The following MSTO1 variants were observed in gnomAD, a reference collection of about 807,000 sequenced individuals.
MSTO1 encodes misato mitochondrial distribution and morphology regulator 1.
MSTO1 carries 24 observed loss-of-function variants against 55.7 expected under a neutral mutation model. The ratio of observed to expected loss-of-function variants is 0.43; its 90% CI spans 0.31 to 0.61. The LOEUF (loss-of-function observed/expected upper bound fraction) is 0.61, where lower values mean the gene tolerates loss of function less well. Among genes scored for constraint, MSTO1 ranks in the 20% least tolerant of loss-of-function variants. The pLI is 0.09. For missense variants in MSTO1, 363 were observed against 625.7 expected, an observed-to-expected ratio of 0.58 and a Z score of 4.48; for synonymous variants, 162 against 252.8, an observed-to-expected ratio of 0.64 and a Z score of 3.41.
At chr1:155,567,385 C>A in the MSTO1 span, among the ~76,000 whole-genome samples, 2 of 150,740 alleles carry the variant, frequency 1.3e-5, no homozygotes, top group Non-Finnish European at 2.9e-5. Context: ...GATCTCCGCT[C>A]ACTGCAAGCT....
the MSTO1 span, chr1:155,598,737 CA>C: frequency 1.6e-4 from 93 of 588,992 alleles, no homozygotes; most frequent in South Asian, 5.6e-4. Flanking sequence ...GCAAGAACAA[CA>C]AAAAAAACAT....
At chr1:155,598,966 A>T in the MSTO1 span, 1 of 1,097,292 alleles carries the variant, frequency 9.1e-7, no homozygotes, top group Admixed American at 2.0e-5. Context: ...TTATCTTGTT[A>T]CCGTGGTAGT....
chr1:155,585,999 T>C, the MSTO1 span, among the ~76,000 whole-genome samples: 1 of 152,204 alleles, frequency 6.6e-6, no homozygotes, highest in Non-Finnish European at 1.5e-5. Flanking sequence ...AGATCCATAT[T>C]GATGAATGTA....
At chr1:155,605,427 T>C (rs921711015), upstream of MSTO1, among the ~76,000 whole-genome samples, 4 of 152,126 alleles carry the variant, frequency 2.6e-5, no homozygotes, top group African/African-American at 9.7e-5. Flanking sequence ...TCCAAAAAAA[T>C]ATGGCTTACC....
chr1:155,610,272 G>A lies in MSTO1; in HGVS notation c.24G>A (p.Val8=). 1 of 871,210 alleles carries A rather than the reference G, an allele frequency of 1.1e-6. No individual in the cohort carries two copies. The allele number at this position is 871,210 out of a possible 1,614,324, so 54.0% of individuals were successfully genotyped here. MAGGARE[V]LTLQLGHFAG... Reference sequence around the variant, plus strand: ...GTATGGCGGGCGGGGCCCGGGAGGTGCTCACACTGCAGTTGGGACATTTTG... The same window carrying A: ...GTATGGCGGGCGGGGCCCGGGAGGTACTCACACTGCAGTTGGGACATTTTG... Residue 8 remains valine (V), a synonymous_variant, in exon 1 of 14, where the codon GTG becomes GTA. Transcript: ENST00000245564.
At position 155,612,037 on chromosome 1, in the gene MSTO1, C is replaced by G; in HGVS notation, c.615C>G (p.Pro205=). 1 of 1,598,736 alleles carries G rather than the reference C, an allele frequency of 6.3e-7. No individual in the cohort carries two copies. Residue 205 remains proline (P), a synonymous_variant, in exon 7 of 14, where the codon CCC becomes CCG. Coordinates refer to ENST00000245564, the MANE Select transcript of MSTO1 (RefSeq NM_018116.4). The part of the protein sequence containing the change: ...FGQGESVLKE[P]KYQEELEDRL... ...AAGGGGAAAGTGTCCTAAAGGAACC[C>G]AAGTACCAGGAAGAGCTGGAGGACA...
chr1:155,612,353 G>A, intron 8 of MSTO1, 37 bp downstream of exon 8: 1 of 1,580,198 alleles, frequency 6.3e-7, no homozygotes, highest in Non-Finnish European at 8.6e-7. Flanking sequence ...GTCACACAGT[G>A]GGGAGGGAGA....
At chr1:155,607,200 G>T (rs1672950298), upstream of MSTO1, among the ~76,000 whole-genome samples, 1 of 151,290 alleles carries the variant, frequency 6.6e-6, no homozygotes, top group African/African-American at 2.4e-5. Context: ...GTTTGAGTTG[G>T]AGTCTTTCTC....
chr1:155,612,283 C>T lies in MSTO1; in HGVS notation c.780C>T (p.Thr260=), dbSNP rs423975. Residue 260 remains threonine (T), a synonymous_variant, in exon 8 of 14, where the codon ACC becomes ACT. Coordinates refer to ENST00000245564, the MANE Select transcript of MSTO1 (RefSeq NM_018116.4). ...QDEYSGRGII[T]WGLLPGPYHR... ...AATATTCAGGGCGGGGAATAATAAC[C>T]TGGGGCCTGCTACCTGGTCCCTACC... The T allele has an allele frequency of 3.6e-5, 57 of 1,589,722 alleles. No homozygotes were observed. The highest frequency in any genetic ancestry group is 3.4e-4 in the Middle Eastern group (2 of 5,916).
the MSTO1 span, among the ~76,000 whole-genome samples, chr1:155,571,302 C>G: frequency 4.6e-5 from 7 of 152,096 alleles, no homozygotes; most frequent in Non-Finnish European, 1.0e-4. Context: ...ACATTAAGAG[C>G]CTTTTTTTTC....
upstream of MSTO1, chr1:155,610,159 A>C (rs1251402941): frequency 1.8e-5 from 21 of 1,183,520 alleles, no homozygotes; most frequent in East Asian, 4.5e-4. Context: ...GTAGCCGAGA[A>C]TAACACCCGC....
chr1:155,565,168 G>A, the MSTO1 span, among the ~76,000 whole-genome samples: 5 of 151,656 alleles, frequency 3.3e-5, no homozygotes, highest in Admixed American at 6.6e-5. Context: ...ATGGTGGAGC[G>A]CCTGTAGTTC....
chr1:155,600,088 G>A, the MSTO1 span, among the ~76,000 whole-genome samples: 2 of 152,292 alleles, frequency 1.3e-5, no homozygotes, highest in South Asian at 4.1e-4. Context: ...GACCCTTTAC[G>A]GGTGTCGGGC....
chr1:155,565,072 G>A, the MSTO1 span, among the ~76,000 whole-genome samples: 7 of 151,988 alleles, frequency 4.6e-5, no homozygotes, highest in Admixed American at 2.0e-4. Flanking sequence ...AGTGAGTGGA[G>A]ATTGCACCAC....
In MSTO1 at chr1:155,613,357, A is replaced by AT. The variant is rs1237645758; in HGVS notation, c.1284-105_1284-104insT. 7 of 1,564,104 alleles carry AT rather than the reference A, an allele frequency of 4.5e-6. No homozygotes were observed. In the Admixed American group the frequency reaches 1.2e-4, roughly 26 times the overall value. ...CCACCCCTTAAAAAGGAAAAAAAAA[A>AT]GGGCTTTGAATATCTTGATCCAGCT... On this transcript the variant is annotated intron_variant, in intron 11 of 13. Transcript: ENST00000245564.
intron 6 of MSTO1, 34 bp downstream of exon 6, chr1:155,611,861 C>T: frequency 1.5e-6 from 1 of 665,460 alleles, no homozygotes. Context: ...AGGCAAGAAA[C>T]ATGGGTCCCC....
chr1:155,604,393 G>A, the MSTO1 span, among the ~76,000 whole-genome samples: 6 of 152,172 alleles, frequency 3.9e-5, no homozygotes, highest in Admixed American at 2.6e-4. Context: ...TGATTCTAAC[G>A]CAATTTAAAC....
At chr1:155,589,408 G>T in the MSTO1 span, among the ~76,000 whole-genome samples, 2 of 152,014 alleles carry the variant, frequency 1.3e-5, no homozygotes, top group Non-Finnish European at 2.9e-5. Flanking sequence ...TTTGGTTCAG[G>T]GTGACTGTAT....
the MSTO1 span, among the ~76,000 whole-genome samples, chr1:155,577,055 A>C: frequency 1.2e-4 from 16 of 134,240 alleles, no homozygotes; most frequent in East Asian, 2.2e-4. Flanking sequence ...TAGAAAACTC[A>C]CCCCTGCAAG....
Sources: allele counts gnomAD v4.1 joint callset (sites outside exome capture counted in the v4.1 genomes callset), GRCh38; gene constraint gnomAD v4.1.1; transcripts MANE v1.5; gene names NCBI Gene and HGNC (gene_info 2026-07-23, HGNC 2026-07-21).